The following F8 variants were observed in gnomAD, a reference collection of about 807,000 sequenced individuals.
F8 encodes the protein antihemophilic factor.
Under a neutral mutation model 140.6 loss-of-function variants are expected in F8, and 12 were observed. The observed-to-expected ratio is 0.09, with a 90% CI of 0.05 to 0.14. The LOEUF is 0.14. Among genes scored for constraint, F8 ranks in the 10% least tolerant of loss-of-function variants. F8 has a pLI of 1.00. For missense variants in F8, 1,354 were observed against 1,720.7 expected (o/e 0.79, Z 3.77); for synonymous variants, 585 against 614.6 (o/e 0.95, Z 0.71).
At chrX:154,908,435 C>A (rs904915784) in intron 14 of F8, among the ~76,000 whole-genome samples, 3 of 112,345 alleles carry the variant, frequency 2.7e-5, no homozygotes, top group Admixed American at 1.9e-4. Context: ...TAAACCTTTA[C>A]ATTTTCATAT....
intron 5 of F8, 110 bp from the exon 6 acceptor site, chrX:154,984,913 G>C (rs1158325516): frequency 1.5e-5 from 9 of 597,572 alleles, no homozygotes; most frequent in Non-Finnish European, 2.6e-5. Context: ...AAGCATTTTT[G>C]TCAGCAAAGT....
intron 13 of F8, among the ~76,000 whole-genome samples, chrX:154,943,417 A>G (rs2073281972): frequency 8.9e-6 from 1 of 111,882 alleles, no homozygotes; most frequent in African/African-American, 3.3e-5. Context: ...TCCCATTCAC[A>G]ATTGCTTCAA....
At chrX:154,909,164 A>T (rs1414601328) in intron 14 of F8, 1 of 215,898 alleles carries the variant, frequency 4.6e-6, no homozygotes, top group African/African-American at 3.0e-5. Flanking sequence ...AATTCAAAAG[A>T]CTTTATTTCA....
intron 13 of F8, among the ~76,000 whole-genome samples, chrX:154,937,263 T>C (rs1290031965): frequency 9.0e-6 from 1 of 110,741 alleles, no homozygotes; most frequent in East Asian, 2.8e-4. Flanking sequence ...AAATTCAACA[T>C]AGAAAATAAA....
At chrX:154,902,750 G>A (rs915869661) in intron 18 of F8, among the ~76,000 whole-genome samples, 14 of 112,131 alleles carry the variant, frequency 1.2e-4, no homozygotes, top group African/African-American at 4.2e-4. Flanking sequence ...AACAAGTATT[G>A]CCAGGCACAA....
chrX:154,909,178 G>T, intron 14 of F8: 1 of 206,674 alleles, frequency 4.8e-6, no homozygotes, highest in Middle Eastern at 2.1e-3. Flanking sequence ...TATTTCAGTT[G>T]TAATGTTAAC....
At chrX:154,986,811 A>G (rs1557284276) in intron 5 of F8, among the ~76,000 whole-genome samples, 1 of 111,804 alleles carries the variant, frequency 8.9e-6, no homozygotes, top group African/African-American at 3.3e-5. Flanking sequence ...GGCCTACTCT[A>G]TGCCACACAG....
chrX:154,873,269 C>T, intron 22 of F8, among the ~76,000 whole-genome samples: 1 of 107,950 alleles, frequency 9.3e-6, no homozygotes, highest in Non-Finnish European at 1.9e-5. Context: ...CTCTGTTGCC[C>T]AGGCTGGAGT....
In F8 at chrX:154,836,391, T is replaced by A. The variant is rs1557270878; in HGVS notation, c.*1206A>T. On this transcript the variant is annotated 3_prime_UTR_variant, in exon 26 of 26. Transcript: ENST00000360256. ...GGAAGGAGCAGTAAACCCTTCACAA[T>A]CTTATGGGGGTGGAGGGCAAGAAGG... is the stretch of plus-strand genomic sequence containing the variant. The A allele has an allele frequency of 9.0e-6, 1 of 111,025 alleles. No homozygotes were observed. The highest frequency in any genetic ancestry group is 1.9e-5 in the Non-Finnish European group (1 of 53,003). 9.1% of individuals were successfully genotyped at this position (111,025 alleles called of 1,213,427 possible). A position where few individuals can be genotyped will look rare whatever the true frequency, so the allele number is the denominator to read the frequency against.
intron 14 of F8, chrX:154,918,979 A>G (rs782574634): frequency 1.8e-5 from 2 of 112,854 alleles, no homozygotes; most frequent in Non-Finnish European, 3.7e-5. Context: ...TTCTTTCTCA[A>G]ATTTTTCAAT....
chrX:154,982,093 A>G (rs1045487694), intron 6 of F8, among the ~76,000 whole-genome samples: 1 of 110,362 alleles, frequency 9.1e-6, no homozygotes, highest in Non-Finnish European at 1.9e-5. Context: ...CTGGGGCAGG[A>G]GAATCGCTTG....
At chrX:154,847,943 G>A (rs1260875700) in intron 25 of F8, among the ~76,000 whole-genome samples, 1 of 112,629 alleles carries the variant, frequency 8.9e-6, no homozygotes, top group African/African-American at 3.2e-5. Flanking sequence ...TTTGATGATG[G>A]TGATGTACAG....
At chrX:154,962,259 T>A (rs944966356) in intron 9 of F8, among the ~76,000 whole-genome samples, 6 of 112,172 alleles carry the variant, frequency 5.3e-5, no homozygotes, top group Non-Finnish European at 1.1e-4. Flanking sequence ...CTTAGGATTC[T>A]TCAGTTGACA....
intron 25 of F8, among the ~76,000 whole-genome samples, chrX:154,843,644 T>C (rs1197911515): frequency 8.9e-6 from 1 of 112,292 alleles, no homozygotes; most frequent in Admixed American, 9.4e-5. Context: ...ATGGGGTCTT[T>C]TTTTCTTGTA....
intron 25 of F8, among the ~76,000 whole-genome samples, chrX:154,838,516 C>T (rs1433255986): frequency 5.4e-5 from 6 of 111,952 alleles, no homozygotes; most frequent in Non-Finnish European, 1.1e-4. Flanking sequence ...AGGCAATGTC[C>T]TACCATAATG....
At chrX:154,988,674 C>T (rs782746565) in intron 4 of F8, among the ~76,000 whole-genome samples, 2 of 111,985 alleles carry the variant, frequency 1.8e-5, no homozygotes, top group Non-Finnish European at 3.8e-5. Flanking sequence ...CCAATGGAAA[C>T]CTTGGGGATA....
intron 7 of F8, 96 bp downstream of exon 7, chrX:154,969,235 C>A: frequency 1.2e-6 from 1 of 821,620 alleles, no homozygotes. Context: ...ATGTCCCCTT[C>A]AGCAACACAC....
chrX:154,951,617 T>C (rs1415513032), intron 12 of F8, among the ~76,000 whole-genome samples: 1 of 111,900 alleles, frequency 8.9e-6, no homozygotes, highest in Non-Finnish European at 1.9e-5. Flanking sequence ...TGTATGAAAA[T>C]AGATTATCAA....
At chrX:154,842,933 C>T (rs782631766) in intron 25 of F8, among the ~76,000 whole-genome samples, 192 of 111,714 alleles carry the variant, frequency 1.7e-3, no homozygotes, top group Non-Finnish European at 2.0e-3. Flanking sequence ...TCTCCTAATG[C>T]TATCCCTCCC....
Sources: allele counts gnomAD v4.1 joint callset (sites outside exome capture counted in the v4.1 genomes callset), GRCh38; gene constraint gnomAD v4.1.1; transcripts MANE v1.5; gene names NCBI Gene and HGNC (gene_info 2026-07-23, HGNC 2026-07-21).